Variants in PDSS2 observed in about 807,000 individuals in gnomAD.
PDSS2 encodes decaprenyl diphosphate synthase subunit 2, also known as all trans-polyprenyl-diphosphate synthase PDSS2.
PDSS2 carries 31 observed loss-of-function variants against 44.5 expected under a neutral mutation model. The observed-to-expected ratio is 0.70, with a 90% CI of 0.52 to 0.94. The LOEUF (loss-of-function observed/expected upper bound fraction) is 0.94, where lower values mean the gene tolerates loss of function less well. Among genes scored for constraint, PDSS2 ranks in the 40% least tolerant of loss-of-function variants. The pLI is 0.00. For missense variants in PDSS2, 452 were observed against 482.2 expected (o/e 0.94, Z 0.59); for synonymous variants, 157 against 180.3 (o/e 0.87, Z 1.03).
chr6:107,307,257 A>G (rs1335618468), intron 2 of PDSS2, among the ~76,000 whole-genome samples: 1 of 152,222 alleles, frequency 6.6e-6, no homozygotes, highest in African/African-American at 2.4e-5. Flanking sequence ...CACAATCACA[A>G]TCCTTCTCAA....
chr6:107,193,785 T>C, intron 7 of PDSS2, 37 bp downstream of exon 7: 1 of 1,224,328 alleles, frequency 8.2e-7, no homozygotes, highest in Non-Finnish European at 1.2e-6. Context: ...CAAATTGAAA[T>C]GTGTAAAATA....
At chr6:107,217,560 A>C (rs1398153012) in intron 4 of PDSS2, among the ~76,000 whole-genome samples, 1 of 152,172 alleles carries the variant, frequency 6.6e-6, no homozygotes. Flanking sequence ...TAAAAAAAAA[A>C]AACTCTCAGC....
At position 107,281,378 on chromosome 6, in the gene PDSS2, CTTG is replaced by C. The variant is rs1205995369; in HGVS notation, c.432-7154_432-7152del. On this transcript the variant is annotated intron_variant, in intron 2 of 7. Coordinates refer to ENST00000369037, the MANE Select transcript of PDSS2 (RefSeq NM_020381.4). The stretch of plus-strand genomic sequence containing the variant: ...CTTTCAAGTCACTGTTTGTTAGAGT[CTTG>C]TTGTAAGTCTTGTTAGAGTCTTGTT... Among the ~76,000 whole-genome samples, 7 of 152,268 alleles carry C rather than the reference CTTG, an allele frequency of 4.6e-5. No individual in the cohort carries two copies. In the East Asian group the frequency reaches 1.4e-3, roughly 29 times the overall value.
intron 1 of PDSS2, among the ~76,000 whole-genome samples, chr6:107,357,333 A>T (rs577951659): frequency 6.6e-6 from 1 of 152,294 alleles, no homozygotes; most frequent in African/African-American, 2.4e-5. Flanking sequence ...ATACAAATTT[A>T]AATTCCATCT....
At chr6:107,358,378 A>C (rs1341700975) in intron 1 of PDSS2, among the ~76,000 whole-genome samples, 1 of 152,212 alleles carries the variant, frequency 6.6e-6, no homozygotes, top group South Asian at 2.1e-4. Context: ...TCTGAAAATT[A>C]AACAGGGTAA....
chr6:107,181,889 CAAAA>C (rs35752637), intron 7 of PDSS2, among the ~76,000 whole-genome samples: 6 of 111,358 alleles, frequency 5.4e-5, no homozygotes, highest in Admixed American at 1.8e-4. Context: ...GACTCTGTCT[CAAAA>C]AAAAAAAAAA....
intron 2 of PDSS2, among the ~76,000 whole-genome samples, chr6:107,302,865 T>A (rs74944017): frequency 6.6e-6 from 1 of 152,120 alleles, no homozygotes; most frequent in Non-Finnish European, 1.5e-5. Flanking sequence ...AAAAAGAATT[T>A]AAAATATCTC....
chr6:107,297,149 G>A (rs1776534483), intron 2 of PDSS2, among the ~76,000 whole-genome samples: 1 of 152,152 alleles, frequency 6.6e-6, no homozygotes. Flanking sequence ...ATCCTAACCA[G>A]TGGATGACAT....
At chr6:107,430,902 C>G (rs1781174488) in intron 1 of PDSS2, among the ~76,000 whole-genome samples, 1 of 152,138 alleles carries the variant, frequency 6.6e-6, no homozygotes, top group African/African-American at 2.4e-5. Flanking sequence ...TCTTCCTAAC[C>G]CATTAGTCAA....
chr6:107,377,386 A>G (rs1018288704), intron 1 of PDSS2, among the ~76,000 whole-genome samples: 1 of 152,178 alleles, frequency 6.6e-6, no homozygotes, highest in Non-Finnish European at 1.5e-5. Flanking sequence ...TCAGGAAACA[A>G]CAGGTGCTGG....
At chr6:107,294,961 G>A (rs890054047) in intron 2 of PDSS2, among the ~76,000 whole-genome samples, 14 of 151,816 alleles carry the variant, frequency 9.2e-5, no homozygotes, top group South Asian at 2.1e-4. Flanking sequence ...ATGGAGTCTC[G>A]CTTGGTCACC....
intron 6 of PDSS2, among the ~76,000 whole-genome samples, chr6:107,207,515 G>A (rs1434511570): frequency 1.3e-5 from 2 of 152,002 alleles, no homozygotes; most frequent in Non-Finnish European, 2.9e-5. Flanking sequence ...TTCTGACTAG[G>A]AGGCATTCAC....
At chr6:107,186,629 G>A (rs767051808) in intron 7 of PDSS2, among the ~76,000 whole-genome samples, 4 of 151,872 alleles carry the variant, frequency 2.6e-5, no homozygotes, top group Non-Finnish European at 4.4e-5. Context: ...CCCCCAACAG[G>A]CCCTGGTGTG....
chr6:107,445,238 C>T (rs1278828163), intron 1 of PDSS2, among the ~76,000 whole-genome samples: 1 of 151,384 alleles, frequency 6.6e-6, no homozygotes, highest in Admixed American at 6.6e-5. Flanking sequence ...GTTAGGGAAA[C>T]AGTAATAAAA....
chr6:107,162,947 CA>C, intron 7 of PDSS2, among the ~76,000 whole-genome samples: 1 of 152,256 alleles, frequency 6.6e-6, no homozygotes, highest in African/African-American at 2.4e-5. Flanking sequence ...ACATTTAGTC[CA>C]GGTGTAAATT....
At chr6:107,189,559 A>G (rs1342412758) in intron 7 of PDSS2, among the ~76,000 whole-genome samples, 1 of 152,114 alleles carries the variant, frequency 6.6e-6, no homozygotes, top group Admixed American at 6.5e-5. Context: ...GCTGGTCTCA[A>G]ACTCCTAACC....
At chr6:107,233,420 G>A (rs1774117703) in intron 4 of PDSS2, among the ~76,000 whole-genome samples, 1 of 152,116 alleles carries the variant, frequency 6.6e-6, no homozygotes, top group Middle Eastern at 3.2e-3. Flanking sequence ...TCACACAGCA[G>A]AAATTCAATA....
intron 1 of PDSS2, among the ~76,000 whole-genome samples, chr6:107,449,488 C>T (rs963010237): frequency 7.9e-5 from 12 of 152,164 alleles, no homozygotes; most frequent in Non-Finnish European, 1.6e-4. Context: ...TGTTTCTACA[C>T]ACCATTTCTC....
chr6:107,318,250 C>T (rs1777264792), intron 2 of PDSS2, among the ~76,000 whole-genome samples: 2 of 151,962 alleles, frequency 1.3e-5, no homozygotes, highest in Admixed American at 6.6e-5. Context: ...TTGACCGCCC[C>T]GCTTCTTTCA....
Sources: allele counts gnomAD v4.1 joint callset (sites outside exome capture counted in the v4.1 genomes callset), GRCh38; gene constraint gnomAD v4.1.1; transcripts MANE v1.5; gene names NCBI Gene and HGNC (gene_info 2026-07-23, HGNC 2026-07-21).